The following VTA1 variants were observed in gnomAD, a reference collection of about 807,000 sequenced individuals.
VTA1 encodes vacuolar protein sorting-associated protein VTA1 homolog.
VTA1 carries 24 observed loss-of-function variants against 36.9 expected under a neutral mutation model. That is an observed-to-expected ratio of 0.65 (90% confidence interval 0.47 to 0.91). The LOEUF (loss-of-function observed/expected upper bound fraction) is 0.91. VTA1 is among the 40% of genes least tolerant of loss of function. VTA1 has a pLI of 0.00. For missense variants in VTA1, 393 were observed against 377.2 expected (o/e 1.04, Z -0.35); for synonymous variants, 142 against 130.2 (o/e 1.09, Z -0.62).
intron 1 of VTA1, among the ~76,000 whole-genome samples, chr6:142,161,015 T>G (rs1384320565): frequency 2.6e-5 from 4 of 151,210 alleles, no homozygotes; most frequent in African/African-American, 9.7e-5. Flanking sequence ...AGTATTTATT[T>G]AACGAAGGGA....
intron 7 of VTA1, among the ~76,000 whole-genome samples, chr6:142,207,335 A>G (rs1658241336): frequency 6.6e-6 from 1 of 152,150 alleles, no homozygotes; most frequent in Non-Finnish European, 1.5e-5. Flanking sequence ...AGGTAGCATC[A>G]TGACTGCCTG....
At chr6:142,150,142 A>T (rs561273431) in intron 1 of VTA1, among the ~76,000 whole-genome samples, 18 of 152,142 alleles carry the variant, frequency 1.2e-4, no homozygotes, top group African/African-American at 4.3e-4. Context: ...TGATATTTTT[A>T]ACCACTCTAT....
rs111582266 is a variant in VTA1, at chr6:142,170,606, A to C, written c.411+185A>C. Among the ~76,000 whole-genome samples the C allele has an allele frequency of 7.0e-3, 1,069 of 152,242 alleles. 16 individuals are homozygous for C. The highest frequency in any genetic ancestry group is 0.025 in the African/African-American group (1,019 of 41,548). On this transcript the variant is annotated intron_variant, in intron 4 of 7. Coordinates refer to ENST00000367630, the MANE Select transcript of VTA1 (RefSeq NM_016485.5). ...TAAATTATTTCCAATAATATATTTT[A>C]ATTTTGTACTAAGTTCTTTATTTTT... is the stretch of plus-strand genomic sequence containing the variant.
chr6:142,198,515 T>C lies in VTA1; in HGVS notation c.597T>C (p.Tyr199=), dbSNP rs541725891. The change falls in exon 6 of 8, where the codon TAT becomes TAC. Residue 199 remains tyrosine, a synonymous_variant. Transcript: ENST00000367630. ...QPTQPSSSST[Y]DPSNMPSGNY... is the part of the protein sequence containing the mutation. ...CTCAGCCATCATCATCTTCAACTTA[T>C]GACCCAAGCAACATGCCATCAGGCA... 1.3e-5 allele frequency: 21 copies of C among 1,614,186 alleles called. No individual in the cohort carries two copies. The highest frequency in any genetic ancestry group is 8.9e-5 in the East Asian group (4 of 44,868).
intron 4 of VTA1, among the ~76,000 whole-genome samples, chr6:142,173,375 T>C (rs1282805233): frequency 6.6e-6 from 1 of 152,208 alleles, no homozygotes; most frequent in Admixed American, 6.5e-5. Context: ...AAGTAACAGA[T>C]CAGAATGCCA....
chr6:142,209,947 T>C (rs142803738), intron 7 of VTA1, among the ~76,000 whole-genome samples: 265 of 152,082 alleles, frequency 1.7e-3, no homozygotes, highest in African/African-American at 6.1e-3. Flanking sequence ...TAGAAGACCC[T>C]GAATAGTAAA....
chr6:142,157,889 A>G (rs1381093618), intron 1 of VTA1, among the ~76,000 whole-genome samples: 7 of 145,654 alleles, frequency 4.8e-5, no homozygotes, highest in Non-Finnish European at 1.1e-4. Flanking sequence ...TTTTAACCTC[A>G]ATTTATTATT....
At position 142,222,280 on chromosome 6, in the gene VTA1, T is replaced by C. The variant is rs1776126961; in HGVS notation, c.*3637T>C. On this transcript the variant is annotated 3_prime_UTR_variant, in exon 8 of 8. Transcript: ENST00000367630. ...TTTTTGTGACCAGCCCAAGTGAAAC[T>C]GATAACGGTGTTTTGTCAATGCGGC... The C allele has an allele frequency of 6.6e-6, 1 of 152,222 alleles. No individual in the cohort carries two copies. Among genetic ancestry groups the C allele is most frequent in the African/African-American group, 2.4e-5 (1 of 41,454 alleles). 9.4% of individuals were successfully genotyped at this position (152,222 alleles called of 1,614,324 possible). A position where few individuals can be genotyped will look rare whatever the true frequency, so the allele number is the denominator to read the frequency against.
At chr6:142,187,575 C>T (rs1775363374) in intron 4 of VTA1, among the ~76,000 whole-genome samples, 1 of 152,132 alleles carries the variant, frequency 6.6e-6, no homozygotes, top group African/African-American at 2.4e-5. Context: ...CTCCCCACCC[C>T]ACAGAGTGAA....
intron 1 of VTA1, among the ~76,000 whole-genome samples, chr6:142,147,696 C>T (rs1168640582): frequency 6.6e-6 from 1 of 152,236 alleles, no homozygotes; most frequent in African/African-American, 2.4e-5. Flanking sequence ...CACACAAGAG[C>T]TTCTTGTCTC....
At chr6:142,193,156 GTACA>G (rs1775485263) in intron 5 of VTA1, among the ~76,000 whole-genome samples, 1 of 152,016 alleles carries the variant, frequency 6.6e-6, no homozygotes, top group Admixed American at 6.6e-5. Context: ...CTTTTGAAAA[GTACA>G]GTTACTTTTT....
chr6:142,152,978 C>T (rs1357470637), intron 1 of VTA1, among the ~76,000 whole-genome samples: 1 of 152,102 alleles, frequency 6.6e-6, no homozygotes, highest in Non-Finnish European at 1.5e-5. Context: ...GCAGATTTTA[C>T]TTCTTACAGA....
intron 6 of VTA1, among the ~76,000 whole-genome samples, chr6:142,202,134 C>T (rs1775697365): frequency 6.6e-6 from 1 of 151,894 alleles, no homozygotes; most frequent in Non-Finnish European, 1.5e-5. Context: ...GAAGATCCAT[C>T]TCAGATTTTA....
At chr6:142,183,156 C>T (rs1775275017) in intron 4 of VTA1, among the ~76,000 whole-genome samples, 1 of 152,152 alleles carries the variant, frequency 6.6e-6, no homozygotes, top group Non-Finnish European at 1.5e-5. Context: ...ATTACTTTCA[C>T]ACCAACCTAA....
intron 6 of VTA1, among the ~76,000 whole-genome samples, chr6:142,200,980 A>G (rs1203632663): frequency 1.3e-5 from 2 of 151,938 alleles, no homozygotes; most frequent in African/African-American, 2.4e-5. Context: ...CAATTATTCT[A>G]AGAAAACAAA....
At chr6:142,204,103 C>CA in intron 7 of VTA1, 38 bp downstream of exon 7, 1 of 1,581,756 alleles carries the variant, frequency 6.3e-7, no homozygotes, top group Non-Finnish European at 8.7e-7. Context: ...ACATTTATCT[C>CA]CTGTTTTGGG....
rs771170161 is a variant in VTA1 at position 142,170,384 on chromosome 6, T to C, written c.374T>C (p.Ile125Thr). 6 of 1,608,808 alleles carry C rather than the reference T, an allele frequency of 3.7e-6. No individual in the cohort carries two copies. The highest frequency in any genetic ancestry group is 1.1e-5 in the South Asian group (1 of 90,284). ...IKSFYTASLL[I>T]DVITVFGELT... is the part of the protein sequence containing the mutation. ...TCCTTCTATACTGCAAGTCTTTTGA[T>C]AGATGTCATAACAGTATTTGGAGAA... The change falls in exon 4 of 8, where the codon ATA becomes ACA. Residue 125 changes from isoleucine (I) to threonine (T), a missense_variant. Transcript: ENST00000367630.
In VTA1 at chr6:142,171,649, C is replaced by T. The variant is rs143270252; in HGVS notation, c.411+1228C>T. Among the ~76,000 whole-genome samples, 54 of 152,224 alleles carry T rather than the reference C, an allele frequency of 3.5e-4. 1 individual carries two copies. In the East Asian group the frequency reaches 9.3e-3, roughly 26 times the overall value. On this transcript the variant is annotated intron_variant, in intron 4 of 7. Transcript: ENST00000367630. Reference sequence around the variant, plus strand: ...TCAGTATCATTTTCACCATAACAGGCTTTACCATTCATGTGGAGAATTTAT... The same window carrying T: ...TCAGTATCATTTTCACCATAACAGGTTTTACCATTCATGTGGAGAATTTAT...
At chr6:142,204,908 A>G (rs994968813) in intron 7 of VTA1, among the ~76,000 whole-genome samples, 18 of 150,452 alleles carry the variant, frequency 1.2e-4, no homozygotes, top group Admixed American at 3.9e-4. Flanking sequence ...TATTTTTAGT[A>G]GAGATGGGAT....
Sources: allele counts gnomAD v4.1 joint callset (sites outside exome capture counted in the v4.1 genomes callset), GRCh38; gene constraint gnomAD v4.1.1; transcripts MANE v1.5; gene names NCBI Gene and HGNC (gene_info 2026-07-23, HGNC 2026-07-21).